SYTL2: variants seen among roughly 807,000 people sequenced by gnomAD.
The protein encoded by SYTL2 is synaptotagmin like 2.
In SYTL2, 165 loss-of-function variants were observed where a neutral mutation model predicts 198.7. The ratio of observed to expected loss-of-function variants is 0.83; its 90% CI spans 0.73 to 0.94. The LOEUF is 0.94. Ranked by LOEUF, SYTL2 falls within the 40% of genes least tolerant of loss-of-function variation. SYTL2 has a pLI of 0.00. For synonymous variants in SYTL2, 966 were observed against 917.7 expected, an observed-to-expected ratio of 1.05 and a Z score of -0.95; for missense variants, 2,835 against 2,582.8, an observed-to-expected ratio of 1.10 and a Z score of -2.12.
chr11:85,841,349 A>G, the SYTL2 span, among the ~76,000 whole-genome samples: 1 of 152,218 alleles, frequency 6.6e-6, no homozygotes, highest in Non-Finnish European at 1.5e-5. Context: ...TAATCGTCCT[A>G]CTACAAAGAC....
At chr11:85,722,582 C>T (rs760953019) in intron 8 of SYTL2, among the ~76,000 whole-genome samples, 22 of 152,034 alleles carry the variant, frequency 1.4e-4, no homozygotes, top group Non-Finnish European at 2.8e-4. Flanking sequence ...AATTTGCAAG[C>T]GCTCCTTCTC....
chr11:85,774,062 C>A (rs2092408757), intron 1 of SYTL2, among the ~76,000 whole-genome samples: 1 of 151,984 alleles, frequency 6.6e-6, no homozygotes, highest in Non-Finnish European at 1.5e-5. Flanking sequence ...TGAAAGCCAG[C>A]AAGAAAGAAT....
chr11:85,843,431 C>T, the SYTL2 span, among the ~76,000 whole-genome samples: 23 of 152,074 alleles, frequency 1.5e-4, no homozygotes, highest in Non-Finnish European at 5.9e-5. Context: ...GTTTGAAAAG[C>T]TAAGTGGAGG....
At position 85,734,440 on chromosome 11, in the gene SYTL2, T is replaced by G. The variant is rs1276126939; in HGVS notation, c.889A>C (p.Lys297Gln). The stretch of plus-strand genomic sequence containing the variant: ...AGGCCAGGTGACACAATTTTGCTTT[T>G]GGGTTCAAAGTTGTGATTATAACGA... ...TLRYNHNFEP[K>Q]SKIVSPGLTI... is the part of the protein sequence containing the mutation. Residue 297 changes from lysine (K) to glutamine (Q), a missense_variant, in exon 7 of 20, where the codon AAA (lysine) becomes CAA (glutamine). Physicochemically the swap from Lys to Gln is moderately conservative, Grantham distance 53. Transcript: ENST00000359152. 6.2e-7 allele frequency: 1 copy of G among 1,614,220 alleles called. No homozygotes were observed. The highest frequency in any genetic ancestry group is 8.5e-7 in the Non-Finnish European group (1 of 1,180,038).
At chr11:85,835,116 T>C in the SYTL2 span, among the ~76,000 whole-genome samples, 1 of 152,170 alleles carries the variant, frequency 6.6e-6, no homozygotes, top group Non-Finnish European at 1.5e-5. Context: ...TATTAAGACA[T>C]AACACCATCA....
At chr11:85,841,171 T>C in the SYTL2 span, among the ~76,000 whole-genome samples, 1 of 151,962 alleles carries the variant, frequency 6.6e-6, no homozygotes. Flanking sequence ...AGTCAAAAAA[T>C]AGATGCTAGT....
the SYTL2 span, among the ~76,000 whole-genome samples, chr11:85,852,067 T>C: frequency 6.6e-6 from 1 of 152,240 alleles, no homozygotes; most frequent in Admixed American, 6.5e-5. Context: ...ATTTTACTGA[T>C]GAGAAAAACT....
intron 4 of SYTL2, among the ~76,000 whole-genome samples, chr11:85,738,712 T>C (rs148564880): frequency 6.2e-4 from 94 of 152,322 alleles, no homozygotes; most frequent in Non-Finnish European, 1.1e-3. Context: ...AACATCCCTA[T>C]AGTCGATGCT....
intron 1 of SYTL2, among the ~76,000 whole-genome samples, chr11:85,761,163 T>A (rs2092085499): frequency 6.6e-6 from 1 of 152,070 alleles, no homozygotes; most frequent in Non-Finnish European, 1.5e-5. Flanking sequence ...TCAAACTAAA[T>A]AATAAAAATA....
chr11:85,771,813 C>T (rs1239028148), intron 1 of SYTL2, among the ~76,000 whole-genome samples: 2 of 152,070 alleles, frequency 1.3e-5, no homozygotes, highest in African/African-American at 2.4e-5. Context: ...CACTGCCTAC[C>T]CTCTTTGCTG....
chr11:85,789,988 T>C (rs1009900469), intron 1 of SYTL2, among the ~76,000 whole-genome samples: 1 of 151,896 alleles, frequency 6.6e-6, no homozygotes, highest in Non-Finnish European at 1.5e-5. Context: ...GATTTTTGGA[T>C]TTTTTTTCAG....
In SYTL2 at chr11:85,733,594, G is replaced by GTTTTT. The variant is rs11383912; in HGVS notation, c.1390+340_1390+344dup. On this transcript the variant is annotated intron_variant, in intron 7 of 19. Coordinates refer to ENST00000359152, the MANE Select transcript of SYTL2 (RefSeq NM_206927.4). The stretch of plus-strand genomic sequence containing the variant: ...CAAGCCCACCAAGTTTTTTTTTTTT[G>GTTTTT]TTTTTTTTTTTTTTTTGAGACGGAG... The GTTTTT allele has an allele frequency of 1.6e-3, 168 of 106,234 alleles. 1 individual carries two copies. The highest frequency in any genetic ancestry group is 3.8e-3 in the South Asian group (11 of 2,878). The allele number at this position is 106,234 out of a possible 1,614,324, so 6.6% of individuals were successfully genotyped here.
chr11:85,739,279 A>G (rs2090602383), intron 4 of SYTL2, among the ~76,000 whole-genome samples: 1 of 128,394 alleles, frequency 7.8e-6, no homozygotes, highest in Non-Finnish European at 1.6e-5. Flanking sequence ...TTTTTAATCC[A>G]TGTTATTTGC....
chr11:85,768,738 T>G (rs2092295899), intron 1 of SYTL2, among the ~76,000 whole-genome samples: 1 of 152,208 alleles, frequency 6.6e-6, no homozygotes, highest in Non-Finnish European at 1.5e-5. Context: ...CAGAGACCTT[T>G]GAGGAGGGTT....
At chr11:85,797,581 TCAGC>T (rs2092821684) in intron 1 of SYTL2, among the ~76,000 whole-genome samples, 1 of 148,418 alleles carries the variant, frequency 6.7e-6, no homozygotes, top group East Asian at 2.0e-4. Flanking sequence ...TGAGCTGAGA[TCAGC>T]CACTGTACTC....
the SYTL2 span, among the ~76,000 whole-genome samples, chr11:85,836,660 T>C: frequency 6.6e-6 from 1 of 152,034 alleles, no homozygotes; most frequent in Non-Finnish European, 1.5e-5. Context: ...CAAAGAGATA[T>C]GTTGAGAAGT....
intron 9 of SYTL2, 189 bp from the exon 10 acceptor site, chr11:85,719,032 G>C: frequency 3.3e-6 from 5 of 1,522,930 alleles, no homozygotes; most frequent in Non-Finnish European, 4.4e-6. Flanking sequence ...CATAGCGGGA[G>C]CTCCCATTTC....
chr11:85,781,073 T>C (rs1393546484), intron 1 of SYTL2, among the ~76,000 whole-genome samples: 1 of 152,204 alleles, frequency 6.6e-6, no homozygotes, highest in Non-Finnish European at 1.5e-5. Context: ...CAGTAGTCCA[T>C]TCCAATGCTG....
In SYTL2 at chr11:85,734,140, T is replaced by A; in HGVS notation, c.1189A>T (p.Thr397Ser). The A allele has an allele frequency of 6.2e-7, 1 of 1,614,148 alleles. No homozygotes were observed. The highest frequency in any genetic ancestry group is 8.5e-7 in the Non-Finnish European group (1 of 1,180,010). Residue 397 changes from threonine (T) to serine (S), a missense_variant, in exon 7 of 20, where the codon ACC becomes TCC. By Grantham distance (58) the Thr-to-Ser change is moderately conservative (BLOSUM62 1). Around this residue, in one of 3 missense-constraint regions of SYTL2, gnomAD observed 2,645 missense variants for 2,381.7 expected, o/e 1.11. Coordinates refer to ENST00000359152, the MANE Select transcript of SYTL2 (RefSeq NM_206927.4). Reference protein sequence around the residue: ...YRKPSLFHQSTSSPYVSKSET... With the variant: ...YRKPSLFHQSSSSPYVSKSET... The stretch of plus-strand genomic sequence containing the variant: ...CTTTTTGATACATATGGGCTTGAGG[T>A]TGATTGATGAAAAAGCGAAGGCTTT...
Sources: allele counts gnomAD v4.1 joint callset (sites outside exome capture counted in the v4.1 genomes callset), GRCh38; gene constraint gnomAD v4.1.1; regional missense constraint gnomAD v4.1.1; transcripts MANE v1.5; gene names NCBI Gene and HGNC (gene_info 2026-07-23, HGNC 2026-07-21).